The following PTK2B variants were observed in gnomAD, a reference collection of about 807,000 sequenced individuals.
PTK2B encodes the protein protein-tyrosine kinase 2-beta.
PTK2B carries 71 observed loss-of-function variants against 142.9 expected under a neutral mutation model. The observed-to-expected ratio is 0.50, with a 90% CI of 0.41 to 0.61. PTK2B has a LOEUF of 0.61. Among genes scored for constraint, PTK2B ranks in the 20% least tolerant of loss-of-function variants. The probability of loss-of-function intolerance (pLI) is 0.00; values close to 1 mark genes in which losing one functional copy is unlikely to be tolerated. For missense variants in PTK2B, 1,105 were observed against 1,320.4 expected, an observed-to-expected ratio of 0.84 and a Z score of 2.53; for synonymous variants, 519 against 503.4, an observed-to-expected ratio of 1.03 and a Z score of -0.42.
chr8:27,391,505 A>G (rs894969217), intron 1 of PTK2B, among the ~76,000 whole-genome samples: 1 of 152,186 alleles, frequency 6.6e-6, no homozygotes, highest in Non-Finnish European at 1.5e-5. Context: ...TGAACACAAC[A>G]TGTGTAACAT....
chr8:27,318,304 T>A (rs1466160843), intron 3 of PTK2B, among the ~76,000 whole-genome samples: 1 of 152,138 alleles, frequency 6.6e-6, no homozygotes, highest in Non-Finnish European at 1.5e-5. Flanking sequence ...GATCACCACG[T>A]TTGTTAAAAT....
chr8:27,441,526 A>G (rs1369575512), intron 21 of PTK2B, among the ~76,000 whole-genome samples: 1 of 152,196 alleles, frequency 6.6e-6, no homozygotes, highest in Non-Finnish European at 1.5e-5. Context: ...CAGTCCCTGA[A>G]AACTGCCTGG....
At chr8:27,411,030 C>CA (rs1202305912) in intron 2 of PTK2B, among the ~76,000 whole-genome samples, 2 of 152,076 alleles carry the variant, frequency 1.3e-5, no homozygotes, top group South Asian at 2.1e-4. Context: ...CTTCCTGTAG[C>CA]AAAAAACAGT....
At chr8:27,362,657 C>G (rs1355560800) in intron 1 of PTK2B, among the ~76,000 whole-genome samples, 1 of 151,578 alleles carries the variant, frequency 6.6e-6, no homozygotes, top group Non-Finnish European at 1.5e-5. Context: ...TTGGGGCCCT[C>G]TGGCCTTGCC....
chr8:27,440,102 C>T (rs1563291807), intron 20 of PTK2B, 135 bp from the exon 21 acceptor site: 1 of 864,258 alleles, frequency 1.2e-6, no homozygotes. Flanking sequence ...GTAGGCAGGA[C>T]CCCAGGGTGC....
At chr8:27,340,593 G>T (rs1177158548) in intron 1 of PTK2B, among the ~76,000 whole-genome samples, 1 of 152,260 alleles carries the variant, frequency 6.6e-6, no homozygotes, top group East Asian at 1.9e-4. Flanking sequence ...GCAGTTGCAA[G>T]AATTTTTAAG....
At chr8:27,430,792 G>A (rs1810363691) in intron 7 of PTK2B, 84 bp from the exon 8 acceptor site, 1 of 1,523,508 alleles carries the variant, frequency 6.6e-7, no homozygotes, top group African/African-American at 1.4e-5. Flanking sequence ...TCGAGCAGTG[G>A]GCAGTCTCTC....
At position 27,420,032 on chromosome 8, in the gene PTK2B, G is replaced by A. The variant is rs1563270480; in HGVS notation, c.342G>A (p.Val114=). The A allele has an allele frequency of 1.2e-6, 2 of 1,614,210 alleles. No individual in the cohort carries two copies. Among genetic ancestry groups the A allele is most frequent in the Middle Eastern group, 1.6e-4 (1 of 6,062 alleles). The change falls in exon 3 of 31, where the codon GTG becomes GTA. Residue 114 remains valine (V), a synonymous_variant. Coordinates refer to ENST00000346049, the MANE Select transcript of PTK2B (RefSeq NM_173176.3). ...WLHPQMTVGE[V]QDKYECLHVE... ...ACCCACAGATGACGGTGGGTGAGGT[G>A]CAGGACAAGTATGAGTGTCTGCACG...
Position 27,451,414 on chromosome 8 carries a change from G to A in PTK2B, c.2524-71G>A, listed in dbSNP as rs530153465. 1.2e-5 allele frequency: 19 copies of A among 1,602,884 alleles called. No homozygotes were observed. In the Admixed American group the frequency reaches 1.5e-4, roughly 13 times the overall value. ...CACACAGTGGAGGGACTGGGGAATG[G>A]GTAACCAGGGAGGGGGTTGTCTCCA... On this transcript the variant is annotated intron_variant, in intron 26 of 30. Coordinates refer to ENST00000346049, the MANE Select transcript of PTK2B (RefSeq NM_173176.3).
chr8:27,434,121 G>C lies in PTK2B; in HGVS notation c.1134G>C (p.Gln378His), dbSNP rs1429835993. Reference sequence around the variant, plus strand: ...GTGAGAAGCGGAACAGCCTGCCCCAGATCCCCATGCTGTGAGTACAATGGG... The same window carrying C: ...GTGAGAAGCGGAACAGCCTGCCCCACATCCCCATGCTGTGAGTACAATGGG... The part of the protein sequence containing the change: ...KDGEKRNSLP[Q>H]IPMLNLEARR... The change falls in exon 12 of 31, where the codon CAG becomes CAC. Residue 378 changes from glutamine (Q) to histidine (H), a missense_variant. Coordinates refer to ENST00000346049, the MANE Select transcript of PTK2B (RefSeq NM_173176.3). 10 of 1,614,002 alleles carry C rather than the reference G, an allele frequency of 6.2e-6. No homozygotes were observed. Among genetic ancestry groups the C allele is most frequent in the Non-Finnish European group, 8.5e-6 (10 of 1,180,002 alleles).
chr8:27,424,780 G>A (rs150444921), intron 5 of PTK2B, among the ~76,000 whole-genome samples: 112 of 152,226 alleles, frequency 7.4e-4, no homozygotes, highest in Non-Finnish European at 1.6e-4. Context: ...GTCCCAGAGT[G>A]TGGGGCTACC....
At chr8:27,450,116 A>G (rs1045647354) in intron 24 of PTK2B, among the ~76,000 whole-genome samples, 42 of 152,238 alleles carry the variant, frequency 2.8e-4, no homozygotes, top group African/African-American at 9.2e-4. Context: ...TATTATCTTA[A>G]TAAAGAATGT....
intron 7 of PTK2B, among the ~76,000 whole-genome samples, 173 bp from the exon 8 acceptor site, chr8:27,430,703 G>A (rs994047185): frequency 6.6e-6 from 1 of 152,202 alleles, no homozygotes; most frequent in African/African-American, 2.4e-5. Context: ...GTTACGGGGA[G>A]TCTCCCTTGA....
In PTK2B at chr8:27,454,229, G is replaced by A. The variant is rs200062537; in HGVS notation, c.2671G>A (p.Val891Met). ...CAATGTCATGGAGCTGGTGCGGGCC[G>A]TGCTGGAGCTCAAGAATGAGCTCTG... ...YLNVMELVRA[V>M]LELKNELCQL... is the part of the protein sequence containing the mutation. The change falls in exon 29 of 31, where the codon GTG (valine) becomes ATG (methionine). Residue 891 changes from valine to methionine, a missense_variant. By Grantham distance (21) the Val-to-Met change is conservative. Coordinates refer to ENST00000346049, the MANE Select transcript of PTK2B (RefSeq NM_173176.3). 2.5e-5 allele frequency: 40 copies of A among 1,614,044 alleles called. No individual in the cohort carries two copies. In the Middle Eastern group the frequency reaches 8.2e-4, roughly 33 times the overall value.
At chr8:27,427,046 G>A (rs942926059) in intron 5 of PTK2B, among the ~76,000 whole-genome samples, 9 of 152,146 alleles carry the variant, frequency 5.9e-5, no homozygotes, top group Admixed American at 2.6e-4. Flanking sequence ...ACTCTCCGTC[G>A]TGGCTGGGAA....
intron 1 of PTK2B, among the ~76,000 whole-genome samples, chr8:27,371,686 T>C (rs887895304): frequency 6.6e-6 from 1 of 152,120 alleles, no homozygotes; most frequent in African/African-American, 2.4e-5. Context: ...TAGCTGGTAT[T>C]ACAGGCATGC....
chr8:27,381,049 G>A (rs1194227274), intron 1 of PTK2B, among the ~76,000 whole-genome samples: 1 of 152,086 alleles, frequency 6.6e-6, no homozygotes, highest in Non-Finnish European at 1.5e-5. Flanking sequence ...TTTAATTTTA[G>A]TAATTTTTTA....
chr8:27,445,684 A>G (rs956341418), intron 23 of PTK2B, 110 bp from the exon 24 acceptor site: 6 of 1,492,806 alleles, frequency 4.0e-6, no homozygotes, highest in East Asian at 4.5e-5. Context: ...AGCAAGCCCC[A>G]TTCCCTGTGG....
chr8:27,328,107 C>T (rs1239373790), intron 1 of PTK2B, among the ~76,000 whole-genome samples: 1 of 152,166 alleles, frequency 6.6e-6, no homozygotes, highest in Non-Finnish European at 1.5e-5. Flanking sequence ...TTGCTACTCC[C>T]TTCCCATATG....
Sources: gnomAD v4.1 joint callset for allele counts (sites outside exome capture counted in the v4.1 genomes callset) on GRCh38, gnomAD v4.1.1 for gene constraint, MANE v1.5 for transcripts, NCBI Gene and HGNC (gene_info 2026-07-23, HGNC 2026-07-21) for gene names.